The following TFDP2 variants were observed in gnomAD, a reference collection of about 807,000 sequenced individuals.
TFDP2 encodes transcription factor Dp-2 (E2F dimerization partner 2).
In TFDP2, 17 loss-of-function variants were observed where a neutral mutation model predicts 59.3. The ratio of observed to expected loss-of-function variants is 0.29; its 90% confidence interval spans 0.20 to 0.43. TFDP2 has a LOEUF of 0.43. Among genes scored for constraint, TFDP2 ranks in the 20% least tolerant of loss-of-function variants. The probability of loss-of-function intolerance (pLI) is 1.00; values close to 1 mark genes in which losing one functional copy is unlikely to be tolerated. For synonymous variants in TFDP2, 180 were observed against 194.7 expected, an observed-to-expected ratio of 0.92 and a Z score of 0.63; for missense variants, 391 against 528.8, an observed-to-expected ratio of 0.74 and a Z score of 2.56.
At position 142,089,745 on chromosome 3, in the gene TFDP2, T is replaced by A. The variant is rs191730166; in HGVS notation, c.82+3316A>T. Among the ~76,000 whole-genome samples, 10 of 152,088 alleles carry A rather than the reference T, an allele frequency of 6.6e-5. No individual in the cohort carries two copies. In the East Asian group the frequency reaches 1.9e-3, roughly 29 times the overall value. ...ATTACTCATAAGCACAATGAAACAG[T>A]ATGAAGCTCTAAGAAAGGTATTTAT... is the stretch of plus-strand genomic sequence containing the variant. On this transcript the variant is annotated intron_variant, in intron 3 of 12. Coordinates refer to ENST00000489671, the MANE Select transcript of TFDP2 (RefSeq NM_001178139.2).
intron 3 of TFDP2, among the ~76,000 whole-genome samples, chr3:142,016,142 G>A (rs1945116661): frequency 6.6e-6 from 1 of 151,250 alleles, no homozygotes; most frequent in South Asian, 2.1e-4. Context: ...CTCCCGAGTA[G>A]CTGGAATTAC....
intron 3 of TFDP2, among the ~76,000 whole-genome samples, chr3:142,037,829 T>C (rs1946759115): frequency 6.6e-6 from 1 of 152,218 alleles, no homozygotes; most frequent in African/African-American, 2.4e-5. Flanking sequence ...CTCTCATGAA[T>C]GCATAATATT....
At chr3:142,093,024 A>G (rs1383329688) in intron 3 of TFDP2, 37 bp downstream of exon 3, 12 of 1,396,236 alleles carry the variant, frequency 8.6e-6, no homozygotes, top group Non-Finnish European at 1.1e-5. Flanking sequence ...CAATAAAACT[A>G]ACTTAATTCA....
chr3:142,043,701 C>A, intron 3 of TFDP2: 1 of 1,117,764 alleles, frequency 8.9e-7, no homozygotes, highest in East Asian at 2.3e-5. Context: ...CTTCACCGTG[C>A]TTGCGTGCTT....
Position 141,945,957 on chromosome 3 carries a change from C to T in TFDP2, c.*6556G>A, listed in dbSNP as rs950656193. 1.3e-5 allele frequency: 2 copies of T among 152,200 alleles called. No homozygotes were observed. Among genetic ancestry groups the T allele is most frequent in the Non-Finnish European group, 2.9e-5 (2 of 68,054 alleles). The allele number at this position is 152,200 out of a possible 1,614,324, so 9.4% of individuals were successfully genotyped here. A position where few individuals can be genotyped will look rare whatever the true frequency, so the allele number is the denominator to read the frequency against. ...GAGCCCTTGTCTGTGGAGGTCTCAG[C>T]CCGGGGTTTTCTGACTTGAGAGAGG... On this transcript the variant is annotated 3_prime_UTR_variant, in exon 13 of 13. Transcript: ENST00000489671.
Position 141,953,035 on chromosome 3 carries a change from A to G in TFDP2, c.1052-19T>C, listed in dbSNP as rs1936112456. ...GAGATATCTAAAGGAAAAAATGAGA[A>G]CAAAAAATGTCGGTCCTGCAAGTTC... On this transcript the variant is annotated intron_variant, in intron 11 of 12. Transcript: ENST00000489671. 4 of 1,588,946 alleles carry G rather than the reference A, an allele frequency of 2.5e-6. No individual in the cohort carries two copies. Among genetic ancestry groups the G allele is most frequent in the Non-Finnish European group, 8.6e-7 (1 of 1,158,312 alleles).
At chr3:142,109,771 C>T (rs544020226) in intron 1 of TFDP2, among the ~76,000 whole-genome samples, 31 of 152,182 alleles carry the variant, frequency 2.0e-4, no homozygotes, top group East Asian at 3.9e-4. Flanking sequence ...AAAAATAGTA[C>T]GCAAGAATTT....
At chr3:142,023,238 G>A (rs912212554) in intron 3 of TFDP2, among the ~76,000 whole-genome samples, 1 of 151,710 alleles carries the variant, frequency 6.6e-6, no homozygotes, top group Admixed American at 6.6e-5. Flanking sequence ...AGGCTGGAGT[G>A]CAGTGGCGTG....
At chr3:142,110,028 C>T (rs373852687) in intron 1 of TFDP2, among the ~76,000 whole-genome samples, 16 of 152,006 alleles carry the variant, frequency 1.1e-4, no homozygotes, top group East Asian at 9.7e-4. Flanking sequence ...CAGGTGCGGG[C>T]GCATGCCACC....
At chr3:142,044,245 T>G (rs1440780722) in intron 3 of TFDP2, 49 of 250,642 alleles carry the variant, frequency 2.0e-4, no homozygotes, top group Non-Finnish European at 2.4e-4. Flanking sequence ...TTTTTTTTTT[T>G]TTTTTTTGAG....
chr3:142,093,356 G>A (rs533800048), intron 2 of TFDP2, among the ~76,000 whole-genome samples: 47 of 152,056 alleles, frequency 3.1e-4, no homozygotes, highest in African/African-American at 1.0e-3. Flanking sequence ...GGCTGAGGTC[G>A]GAGGATTGCT....
At chr3:142,093,013 G>A in intron 3 of TFDP2, 48 bp downstream of exon 3, 1 of 1,255,964 alleles carries the variant, frequency 8.0e-7, no homozygotes. Flanking sequence ...CAAAACAAAT[G>A]CAATAAAACT....
intron 3 of TFDP2, among the ~76,000 whole-genome samples, chr3:142,088,905 A>G (rs113406766): frequency 0.2 from 30,979 of 151,234 alleles, 3,194 homozygotes; most frequent in East Asian, 0.25. Context: ...TTGGCTCACT[A>G]CAACCTCTGC....
chr3:142,062,969 C>A (rs1248708183), intron 3 of TFDP2, among the ~76,000 whole-genome samples: 3 of 152,038 alleles, frequency 2.0e-5, no homozygotes, highest in African/African-American at 7.3e-5. Context: ...TAGCAGTTAT[C>A]CTTGAAATAG....
At chr3:142,036,200 T>A (rs981329138) in intron 3 of TFDP2, among the ~76,000 whole-genome samples, 1 of 152,216 alleles carries the variant, frequency 6.6e-6, no homozygotes, top group African/African-American at 2.4e-5. Context: ...TACAAGGTCC[T>A]TAATGGATAA....
At chr3:141,995,998 T>G (rs1026098300) in intron 4 of TFDP2, among the ~76,000 whole-genome samples, 1 of 151,868 alleles carries the variant, frequency 6.6e-6, no homozygotes, top group African/African-American at 2.4e-5. Context: ...ATTAGATATA[T>G]ATGCATTTTT....
At chr3:142,053,879 C>T (rs1251063312) in intron 3 of TFDP2, among the ~76,000 whole-genome samples, 2 of 152,102 alleles carry the variant, frequency 1.3e-5, no homozygotes, top group Non-Finnish European at 2.9e-5. Flanking sequence ...CAAATAAGCA[C>T]ATGAAAAGAT....
chr3:142,099,992 T>C (rs953033787), intron 2 of TFDP2, among the ~76,000 whole-genome samples: 5 of 152,160 alleles, frequency 3.3e-5, no homozygotes, highest in Admixed American at 6.5e-5. Flanking sequence ...ACTCAATAAA[T>C]CTTGATGACT....
At chr3:142,084,939 G>A (rs2060763732) in intron 3 of TFDP2, among the ~76,000 whole-genome samples, 1 of 149,840 alleles carries the variant, frequency 6.7e-6, no homozygotes. Context: ...TATTTTTTTT[G>A]AGACAGAGAC....
Sources: allele counts gnomAD v4.1 joint callset (sites outside exome capture counted in the v4.1 genomes callset), GRCh38; gene constraint gnomAD v4.1.1; transcripts MANE v1.5; gene names NCBI Gene and HGNC (gene_info 2026-07-23, HGNC 2026-07-21).